The following NDST1 variants were observed in gnomAD, a reference collection of about 807,000 sequenced individuals.
NDST1 encodes the protein N-deacetylase and N-sulfotransferase 1, also known as bifunctional heparan sulfate N-deacetylase/N-sulfotransferase 1.
In NDST1, 35 loss-of-function variants were observed where a neutral mutation model predicts 92.8. The observed-to-expected ratio is 0.38, with a 90% CI of 0.29 to 0.50. The LOEUF (loss-of-function observed/expected upper bound fraction) is 0.50, where lower values mean the gene tolerates loss of function less well. Among genes scored for constraint, NDST1 ranks in the 20% least tolerant of loss-of-function variants. The probability of loss-of-function intolerance (pLI) is 0.94; values close to 1 mark genes in which losing one functional copy is unlikely to be tolerated. For synonymous variants in NDST1, 493 were observed against 500.3 expected, an observed-to-expected ratio of 0.99 and a Z score of 0.19; for missense variants, 822 against 1,182.7, an observed-to-expected ratio of 0.69 and a Z score of 4.47.
In NDST1 at chr5:150,540,256, C is replaced by T; in HGVS notation, c.1741C>T (p.Leu581Phe). 6.2e-7 allele frequency: 1 copy of T among 1,605,472 alleles called. No individual in the cohort carries two copies. The highest frequency in any genetic ancestry group is 8.5e-7 in the Non-Finnish European group (1 of 1,174,188). ...FQIFSEEKDP[L>F]WQDPCEDKRH... Reference sequence around the variant, plus strand: ...GATCTTCTCCGAGGAGAAGGACCCGCTCTGGCAGGTGGGGGGCTGGGCAGC... The same window carrying T: ...GATCTTCTCCGAGGAGAAGGACCCGTTCTGGCAGGTGGGGGGCTGGGCAGC... Residue 581 changes from leucine (L) to phenylalanine (F), a missense_variant, in exon 8 of 15, where the codon CTC (leucine) becomes TTC (phenylalanine). By Grantham distance (22) the Leu-to-Phe change is conservative. Coordinates refer to ENST00000261797, the MANE Select transcript of NDST1 (RefSeq NM_001543.5).
At chr5:150,539,811 C>A (rs1262890461) in intron 7 of NDST1, 1 of 983,104 alleles carries the variant, frequency 1.0e-6, no homozygotes, top group East Asian at 1.1e-4. Flanking sequence ...CCATGCACCC[C>A]ACCCCTAACA....
At chr5:150,509,452 C>G (rs1753617306) in intron 1 of NDST1, among the ~76,000 whole-genome samples, 1 of 152,182 alleles carries the variant, frequency 6.6e-6, no homozygotes, top group African/African-American at 2.4e-5. Context: ...GCTGAGATCT[C>G]CTGCTTCTGA....
At chr5:150,524,762 G>A (rs908242341) in intron 2 of NDST1, among the ~76,000 whole-genome samples, 3 of 152,218 alleles carry the variant, frequency 2.0e-5, no homozygotes, top group African/African-American at 7.2e-5. Flanking sequence ...TACCAGTTGA[G>A]CATCCCTAGT....
rs780360301 is a variant in NDST1, at chr5:150,549,788, G to A, written c.2426+1G>A. The A allele has an allele frequency of 4.4e-6, 7 of 1,590,046 alleles. No individual in the cohort carries two copies. The highest frequency in any genetic ancestry group is 1.3e-5 in the African/African-American group (1 of 74,550). ...CCATTGACTACCACAAAACCTTGGCGTGAGTGTTGCCTTTTCCTTTCTGCA... is the reference window on the plus strand; with the variant it reads ...CCATTGACTACCACAAAACCTTGGCATGAGTGTTGCCTTTTCCTTTCTGCA... On this transcript the variant is annotated splice_donor_variant, in intron 13 of 14. Transcript: ENST00000261797. LOFTEE classifies it high-confidence loss of function.
At chr5:150,511,554 G>A (rs1196123684) in intron 1 of NDST1, among the ~76,000 whole-genome samples, 1 of 152,184 alleles carries the variant, frequency 6.6e-6, no homozygotes, top group African/African-American at 2.4e-5. Flanking sequence ...AAGCCAGGAG[G>A]TCCTTTCCTC....
At position 150,521,854 on chromosome 5, in the gene NDST1, G is replaced by T; in HGVS notation, c.513+87G>T. 6.4e-7 allele frequency: 1 copy of T among 1,554,398 alleles called. No homozygotes were observed. Among genetic ancestry groups the T allele is most frequent in the Non-Finnish European group, 8.8e-7 (1 of 1,140,306 alleles). Reference sequence around the variant, plus strand: ...TCTCATTTGTGAAATAGGTGTAATGGTAGCACCCGCCTCCTGGGGTTGTTG... The same window carrying T: ...TCTCATTTGTGAAATAGGTGTAATGTTAGCACCCGCCTCCTGGGGTTGTTG... On this transcript the variant is annotated intron_variant, in intron 2 of 14. Transcript: ENST00000261797. The surrounding 1 kb of genome is among the most constrained non-coding windows in gnomAD (Gnocchi z 5.9).
intron 2 of NDST1, among the ~76,000 whole-genome samples, chr5:150,524,590 C>A (rs1561595939): frequency 6.6e-6 from 1 of 152,246 alleles, no homozygotes; most frequent in Non-Finnish European, 1.5e-5. Context: ...GGCTAATTCT[C>A]ACAGCTATCC....
In NDST1 at chr5:150,540,098, C is replaced by T. The variant is rs1755177099; in HGVS notation, c.1583C>T (p.Thr528Met). The T allele has an allele frequency of 3.1e-6, 5 of 1,614,212 alleles. No individual in the cohort carries two copies. The highest frequency in any genetic ancestry group is 3.4e-6 in the Non-Finnish European group (4 of 1,180,046). The part of the protein sequence containing the change: ...VLLNPISIFM[T>M]HLSNYGNDRL... ...CTGGAGCAGATCAGCATCTTCATGA[C>T]GCACCTGTCCAACTATGGGAATGAC... is the stretch of plus-strand genomic sequence containing the variant. Residue 528 changes from threonine (T) to methionine (M), a missense_variant, in exon 8 of 15, where the codon ACG (threonine) becomes ATG (methionine). Transcript: ENST00000261797.
chr5:150,535,076 G>T, intron 5 of NDST1, 55 bp downstream of exon 5: 1 of 1,574,494 alleles, frequency 6.4e-7, no homozygotes, highest in Admixed American at 1.9e-5. Context: ...TGGGCTGGAG[G>T]TCCAGACTGC....
intron 2 of NDST1, among the ~76,000 whole-genome samples, chr5:150,522,371 G>A (rs1754277128): frequency 1.3e-5 from 2 of 152,030 alleles, no homozygotes; most frequent in Admixed American, 6.6e-5. Flanking sequence ...GGGCTTTATG[G>A]GGCTTCCAGA....
chr5:150,548,412 T>G (rs1755583120), intron 12 of NDST1, 24 bp downstream of exon 12: 1 of 1,605,770 alleles, frequency 6.2e-7, no homozygotes, highest in South Asian at 1.1e-5. Context: ...CTGACCCTTG[T>G]GAGGGCAGTC....
chr5:150,526,516 T>C (rs1754484336), intron 2 of NDST1, among the ~76,000 whole-genome samples: 1 of 152,174 alleles, frequency 6.6e-6, no homozygotes, highest in Non-Finnish European at 1.5e-5. Context: ...TGCATTGAAT[T>C]GTGTGTGTTC....
At position 150,521,833 on chromosome 5, in the gene NDST1, AT is replaced by A. The variant is rs1223892967; in HGVS notation, c.513+69del. 1.3e-6 allele frequency: 2 copies of A among 1,594,520 alleles called. No homozygotes were observed. Among genetic ancestry groups the A allele is most frequent in the Non-Finnish European group, 1.7e-6 (2 of 1,172,882 alleles). ...TCTGCAGCTCAGTGCCTGAATTCTCATTTGTGAAATAGGTGTAATGGTAGCA... is the reference window on the plus strand; with the variant it reads ...TCTGCAGCTCAGTGCCTGAATTCTCATTGTGAAATAGGTGTAATGGTAGCA... On this transcript the variant is annotated intron_variant, in intron 2 of 14. Transcript: ENST00000261797. The surrounding 1 kb of genome is among the most constrained non-coding windows in gnomAD (Gnocchi z 5.9).
At chr5:150,539,932 C>T (rs1755168943) in intron 7 of NDST1, 150 bp from the exon 8 acceptor site, 5 of 1,211,090 alleles carry the variant, frequency 4.1e-6, no homozygotes, top group Admixed American at 4.2e-5. Context: ...TCCAAGTACT[C>T]GCAGCGAGTT....
Position 150,539,542 on chromosome 5 carries a change from C to T in NDST1, c.1566+186C>T. 2.1e-6 allele frequency: 3 copies of T among 1,454,770 alleles called. No individual in the cohort carries two copies. In the South Asian group the frequency reaches 4.1e-5, roughly 20 times the overall value. 90.1% of individuals were successfully genotyped at this position (1,454,770 alleles called of 1,614,324 possible). A position where few individuals can be genotyped will look rare whatever the true frequency, so the allele number is the denominator to read the frequency against. ...TGTGACCTTGGCTAAAGAATCCGAG[C>T]ATGCTTTTTTTTTCCTTTCCTAATC... is the stretch of plus-strand genomic sequence containing the variant. On this transcript the variant is annotated intron_variant, in intron 7 of 14. Coordinates refer to ENST00000261797, the MANE Select transcript of NDST1 (RefSeq NM_001543.5).
upstream of NDST1, among the ~76,000 whole-genome samples, chr5:150,506,940 C>A (rs1376470494): frequency 6.6e-6 from 1 of 152,240 alleles, no homozygotes; most frequent in Non-Finnish European, 1.5e-5. Flanking sequence ...CTTTTCCCTT[C>A]CTCTGTGTTA....
At chr5:150,551,732 A>G (rs1264491888) in intron 13 of NDST1, 21 bp from the exon 14 acceptor site, 2 of 1,611,238 alleles carry the variant, frequency 1.2e-6, no homozygotes, top group East Asian at 2.2e-5. Flanking sequence ...CTCCCATCCA[A>G]AGACTTTCCC....
chr5:150,516,141 G>A (rs1386862550), intron 1 of NDST1, among the ~76,000 whole-genome samples: 2 of 152,234 alleles, frequency 1.3e-5, no homozygotes, highest in African/African-American at 4.8e-5. Flanking sequence ...CAGACATGCT[G>A]TGAGAGGAGG....
intron 1 of NDST1, among the ~76,000 whole-genome samples, chr5:150,517,220 T>C (rs1042978312): frequency 6.6e-6 from 1 of 151,960 alleles, no homozygotes; most frequent in Non-Finnish European, 1.5e-5. Flanking sequence ...GGCACAATTA[T>C]GGCCACTGTA....
Sources: gnomAD v4.1 joint callset for allele counts (sites outside exome capture counted in the v4.1 genomes callset) on GRCh38, gnomAD v4.1.1 for gene constraint, Gnocchi (gnomAD v3.1) non-coding constraint, MANE v1.5 for transcripts, NCBI Gene and HGNC (gene_info 2026-07-23, HGNC 2026-07-21) for gene names.